Variants in PARD3B observed in about 807,000 individuals in gnomAD.
PARD3B encodes the protein partitioning defective 3 homolog B.
A neutral mutation model predicts 130.2 loss-of-function variants in PARD3B; 103 were observed. That is an observed-to-expected ratio of 0.79 (90% CI 0.67 to 0.93). The LOEUF (loss-of-function observed/expected upper bound fraction) is 0.93, where lower values mean the gene tolerates loss of function less well. Among genes scored for constraint, PARD3B ranks in the 40% least tolerant of loss-of-function variants. The pLI is 0.00. For missense variants in PARD3B, 1,609 were observed against 1,499.2 expected (o/e 1.07, Z -1.21); for synonymous variants, 583 against 553.2 (o/e 1.05, Z -0.76).
At position 204,998,432 on chromosome 2, in the gene PARD3B, A is replaced by G. The variant is rs2125270145; in HGVS notation, c.394+33109A>G. On this transcript the variant is annotated intron_variant, in intron 3 of 22. Coordinates refer to ENST00000406610, the MANE Select transcript of PARD3B (RefSeq NM_001302769.2). ...TATATATATGTATATATGTGTATATATATGTGTGTGTATATATATGTGTAT... is the reference window on the plus strand; with the variant it reads ...TATATATATGTATATATGTGTATATGTATGTGTGTGTATATATATGTGTAT... Among the ~76,000 whole-genome samples the G allele has an allele frequency of 1.1e-4, 3 of 27,034 alleles. No individual in the cohort carries two copies. The East Asian group carries it at 5.2e-3, about 47-fold the overall frequency. The allele number at this position is 27,034 out of a possible 152,430, so 17.7% of individuals were successfully genotyped here. A position where few individuals can be genotyped will look rare whatever the true frequency, so the allele number is the denominator to read the frequency against.
intron 1 of PARD3B, among the ~76,000 whole-genome samples, chr2:204,555,557 T>G (rs1459466234): frequency 6.6e-6 from 1 of 151,892 alleles, no homozygotes; most frequent in Non-Finnish European, 1.5e-5. Context: ...GATGCCGTCT[T>G]AAAAAAAATT....
At chr2:205,114,369 A>T (rs1251862610) in intron 6 of PARD3B, among the ~76,000 whole-genome samples, 2 of 152,178 alleles carry the variant, frequency 1.3e-5, no homozygotes, top group Non-Finnish European at 2.9e-5. Context: ...CACTAGATTG[A>T]TATTGACAAG....
chr2:205,004,874 T>C (rs1695125396), intron 3 of PARD3B, among the ~76,000 whole-genome samples: 1 of 152,064 alleles, frequency 6.6e-6, no homozygotes, highest in Admixed American at 6.6e-5. Context: ...TTTCAATCTC[T>C]CCCCCTCAGT....
intron 3 of PARD3B, among the ~76,000 whole-genome samples, chr2:205,027,058 G>A (rs1385294022): frequency 6.6e-6 from 1 of 152,104 alleles, no homozygotes; most frequent in South Asian, 2.1e-4. Context: ...TATGACCAAA[G>A]GTGCAATTCC....
intron 2 of PARD3B, among the ~76,000 whole-genome samples, chr2:204,878,193 C>A (rs987145839): frequency 1.3e-5 from 2 of 152,222 alleles, no homozygotes; most frequent in East Asian, 1.9e-4. Context: ...TGCAAGGTGA[C>A]TTTGATATGT....
intron 21 of PARD3B, among the ~76,000 whole-genome samples, chr2:205,511,893 C>A (rs538195262): frequency 2.6e-5 from 4 of 152,236 alleles, no homozygotes; most frequent in Non-Finnish European, 5.9e-5. Flanking sequence ...GTCACTACAG[C>A]GGCCATCTTG....
At chr2:204,605,895 T>C (rs2033705330) in intron 1 of PARD3B, among the ~76,000 whole-genome samples, 2 of 152,186 alleles carry the variant, frequency 1.3e-5, no homozygotes, top group Non-Finnish European at 2.9e-5. Context: ...ATTTTCAGTC[T>C]CATTTCCTAT....
intron 15 of PARD3B, among the ~76,000 whole-genome samples, chr2:205,193,727 C>G (rs2036521718): frequency 1.3e-5 from 2 of 152,180 alleles, no homozygotes; most frequent in African/African-American, 2.4e-5. Flanking sequence ...TTCAAAGCAT[C>G]CTTTGCCTTA....
intron 18 of PARD3B, among the ~76,000 whole-genome samples, chr2:205,310,159 A>G (rs2042328188): frequency 7.0e-6 from 1 of 143,204 alleles, no homozygotes; most frequent in South Asian, 2.2e-4. Context: ...ATCTTGGCTC[A>G]TTGCAAGCTC....
At chr2:205,117,916 T>TACACACACACACACACACACACACATAC (rs745919031) in intron 6 of PARD3B, among the ~76,000 whole-genome samples, 30 of 20,428 alleles carry the variant, frequency 1.5e-3, no homozygotes, top group African/African-American at 2.1e-3. Flanking sequence ...TGTATGTGTG[T>TACACACACACACACACACACACACATAC]ACACACACAC....
At chr2:204,633,572 G>A (rs1037834020) in intron 1 of PARD3B, among the ~76,000 whole-genome samples, 17 of 152,128 alleles carry the variant, frequency 1.1e-4, no homozygotes, top group African/African-American at 4.1e-4. Context: ...CCAGCATTTT[G>A]GGAGGCCGAG....
intron 19 of PARD3B, among the ~76,000 whole-genome samples, chr2:205,422,768 A>G (rs1574981272): frequency 6.6e-6 from 1 of 152,134 alleles, no homozygotes; most frequent in South Asian, 2.1e-4. Flanking sequence ...GCAAAGGGCC[A>G]CTAGGTAGGC....
intron 9 of PARD3B, among the ~76,000 whole-genome samples, chr2:205,124,700 A>G (rs2031176474): frequency 6.6e-6 from 1 of 152,186 alleles, no homozygotes. Flanking sequence ...TGATAGTGAA[A>G]ACCATTTCTG....
chr2:205,016,455 A>G (rs997970931), intron 3 of PARD3B, among the ~76,000 whole-genome samples: 7 of 152,086 alleles, frequency 4.6e-5, no homozygotes, highest in Non-Finnish European at 7.4e-5. Flanking sequence ...CCCAGAGGAG[A>G]CACTCAGGAA....
intron 2 of PARD3B, among the ~76,000 whole-genome samples, chr2:204,734,647 A>G (rs1183523384): frequency 6.6e-6 from 1 of 152,198 alleles, no homozygotes; most frequent in East Asian, 1.9e-4. Context: ...GAAGCCAGAC[A>G]CCAGAGACTG....
intron 19 of PARD3B, among the ~76,000 whole-genome samples, chr2:205,414,474 ACTAT>A (rs1030352120): frequency 3.3e-5 from 5 of 152,182 alleles, no homozygotes; most frequent in Admixed American, 2.6e-4. Context: ...GAAAAGAATA[ACTAT>A]CTATTAAAAT....
In PARD3B at chr2:205,407,421, A is replaced by G. The variant is rs553840849; in HGVS notation, c.2741+6298A>G. Among the ~76,000 whole-genome samples, 11 of 152,348 alleles carry G rather than the reference A, an allele frequency of 7.2e-5. No individual in the cohort carries two copies. Among genetic ancestry groups the G allele is most frequent in the African/African-American group, 2.4e-4 (10 of 41,580 alleles). On this transcript the variant is annotated intron_variant, in intron 19 of 22. Coordinates refer to ENST00000406610, the MANE Select transcript of PARD3B (RefSeq NM_001302769.2). This position sits in a 1 kb window ranked among gnomAD's most constrained non-coding sequence, Gnocchi z 4.1. ...AGATGATTTCTTCCAACATTTTTCA[A>G]ACTAAATTAAATTAGCATTTTTCAC...
chr2:205,399,129 G>A (rs1388425559), intron 18 of PARD3B, among the ~76,000 whole-genome samples: 1 of 151,818 alleles, frequency 6.6e-6, no homozygotes, highest in Non-Finnish European at 1.5e-5. Context: ...AATTAGCTGG[G>A]CATGGTGGTG....
chr2:205,065,488 A>G (rs1022846382), intron 4 of PARD3B, among the ~76,000 whole-genome samples: 2 of 152,066 alleles, frequency 1.3e-5, no homozygotes, highest in East Asian at 1.9e-4. Context: ...ATTCTGTGCT[A>G]TGGTTTGGTT....
Sources: gnomAD v4.1 joint callset for allele counts (sites outside exome capture counted in the v4.1 genomes callset) on GRCh38, gnomAD v4.1.1 for gene constraint, Gnocchi (gnomAD v3.1) non-coding constraint, MANE v1.5 for transcripts, NCBI Gene and HGNC (gene_info 2026-07-23, HGNC 2026-07-21) for gene names.